Variants in CHIC1 observed in about 807,000 individuals in gnomAD.
CHIC1 encodes the protein cysteine rich hydrophobic domain 1, also known as cysteine-rich hydrophobic domain-containing protein 1.
Under a neutral mutation model 18.5 loss-of-function variants are expected in CHIC1, and 7 were observed. The ratio of observed to expected loss-of-function variants is 0.38; its 90% CI spans 0.22 to 0.71. The LOEUF is 0.71. CHIC1 is among the 30% of genes least tolerant of loss of function. The probability of loss-of-function intolerance (pLI) is 0.49; values close to 1 mark genes in which losing one functional copy is unlikely to be tolerated. For synonymous variants in CHIC1, 77 were observed against 73.5 expected, an observed-to-expected ratio of 1.05 and a Z score of -0.25; for missense variants, 159 against 176.9, an observed-to-expected ratio of 0.90 and a Z score of 0.57.
At chrX:73,631,193 A>T (rs1228807656) in intron 3 of CHIC1, among the ~76,000 whole-genome samples, 2 of 110,088 alleles carry the variant, frequency 1.8e-5, no homozygotes, top group African/African-American at 6.6e-5. Context: ...TTTCAAAAAG[A>T]CTCATAGTTT....
chrX:73,577,273 A>G, intron 1 of CHIC1, 134 bp from the exon 2 acceptor site: 1 of 380,749 alleles, frequency 2.6e-6, no homozygotes, highest in East Asian at 4.0e-5. Flanking sequence ...AATGTCATAT[A>G]AAAATTTTTC....
chrX:73,610,448 T>C (rs1047138049), intron 3 of CHIC1, among the ~76,000 whole-genome samples: 30 of 106,461 alleles, frequency 2.8e-4, no homozygotes, highest in Non-Finnish European at 3.4e-4. Context: ...CAGTTGGAAA[T>C]GCAGAAATCA....
rs2058106455 is a variant in CHIC1 at position 73,683,251 on chromosome X, T to C, written c.*2246T>C. 1 of 111,679 alleles carries C rather than the reference T, an allele frequency of 9.0e-6. No homozygotes were observed. Among genetic ancestry groups the C allele is most frequent in the African/African-American group, 3.2e-5 (1 of 30,825 alleles). 9.2% of individuals were successfully genotyped at this position (111,679 alleles called of 1,213,427 possible). A position where few individuals can be genotyped will look rare whatever the true frequency, so the allele number is the denominator to read the frequency against. On this transcript the variant is annotated 3_prime_UTR_variant, in exon 6 of 6. Transcript: ENST00000373502. ...TGTGTAAACTTAATTTTAAAGCCTA[T>C]TCTAATCACTCGAGTTTATTATTTT...
intron 3 of CHIC1, among the ~76,000 whole-genome samples, chrX:73,615,603 A>G (rs2057728994): frequency 9.0e-6 from 1 of 111,274 alleles, no homozygotes; most frequent in Non-Finnish European, 1.9e-5. Flanking sequence ...TCAGGTGTCA[A>G]TGATGGTATT....
intron 3 of CHIC1, among the ~76,000 whole-genome samples, chrX:73,658,315 A>T (rs762395935): frequency 4.5e-4 from 37 of 82,155 alleles, no homozygotes; most frequent in African/African-American, 1.7e-3. Context: ...GCAACTTCAG[A>T]ACTCATTATT....
At chrX:73,636,957 C>A (rs2057833905) in intron 3 of CHIC1, among the ~76,000 whole-genome samples, 1 of 111,028 alleles carries the variant, frequency 9.0e-6, no homozygotes, top group Admixed American at 9.6e-5. Flanking sequence ...ATAATGATGT[C>A]TTTTATATGT....
intron 3 of CHIC1, among the ~76,000 whole-genome samples, chrX:73,614,798 A>C (rs1249567700): frequency 9.2e-6 from 1 of 108,843 alleles, no homozygotes; most frequent in East Asian, 2.9e-4. Context: ...GTATTGTTTT[A>C]CTCTACTCTG....
At chrX:73,643,485 C>T (rs763053020) in intron 3 of CHIC1, among the ~76,000 whole-genome samples, 83 of 111,674 alleles carry the variant, frequency 7.4e-4, no homozygotes, top group African/African-American at 2.6e-3. Context: ...TTCCATTCTC[C>T]CCGTCACTTT....
chrX:73,633,267 C>G (rs1255347282), intron 3 of CHIC1, among the ~76,000 whole-genome samples: 16 of 101,344 alleles, frequency 1.6e-4, no homozygotes, highest in African/African-American at 5.4e-4. Context: ...ATCTCTTTAT[C>G]TCCTTCATTT....
rs1389309250 is a variant in CHIC1 at position 73,605,266 on chromosome X, C to CT, written c.507+20700dup. On this transcript the variant is annotated intron_variant, in intron 3 of 5. Coordinates refer to ENST00000373502, the MANE Select transcript of CHIC1 (RefSeq NM_001039840.4). ...TACCATTTGTAATGCCCTTCTTTGT[C>CT]TTTTTTGATCTTTGTCAGTTTAAAG... Among the ~76,000 whole-genome samples the CT allele has an allele frequency of 7.4e-5, 8 of 108,047 alleles. 1 individual carries two copies. The highest frequency in any genetic ancestry group is 2.9e-4 in the African/African-American group (8 of 27,757). 93.8% of individuals were successfully genotyped at this position (108,047 alleles called of 115,157 possible).
At chrX:73,599,775 C>T (rs147268331) in intron 3 of CHIC1, among the ~76,000 whole-genome samples, 1,864 of 107,650 alleles carry the variant, frequency 0.017, 52 homozygotes, top group Admixed American at 0.065. Context: ...GTGATGCCTC[C>T]AGCTTTGTTC....
intron 3 of CHIC1, among the ~76,000 whole-genome samples, chrX:73,591,752 G>A (rs917292504): frequency 1.8e-5 from 2 of 111,415 alleles, no homozygotes; most frequent in African/African-American, 6.5e-5. Flanking sequence ...TTCCTTGCAT[G>A]TTGATGTCCA....
At chrX:73,677,655 G>C (rs1400727201) in intron 3 of CHIC1, among the ~76,000 whole-genome samples, 1 of 112,184 alleles carries the variant, frequency 8.9e-6, no homozygotes, top group Non-Finnish European at 1.9e-5. Flanking sequence ...TCTTTGACTA[G>C]GAAAGGGAAT....
intron 3 of CHIC1, among the ~76,000 whole-genome samples, chrX:73,592,900 G>T (rs1490116645): frequency 1.8e-5 from 2 of 110,595 alleles, no homozygotes; most frequent in African/African-American, 6.6e-5. Flanking sequence ...GTTCTGTTCA[G>T]GGTTTCCATT....
chrX:73,593,604 C>CT (rs1305515378), intron 3 of CHIC1, among the ~76,000 whole-genome samples: 7 of 111,460 alleles, frequency 6.3e-5, no homozygotes, highest in African/African-American at 2.3e-4. Context: ...GACTTTGTTC[C>CT]TTTTTTATAA....
intron 3 of CHIC1, among the ~76,000 whole-genome samples, chrX:73,636,550 A>G (rs75075815): frequency 9.0e-6 from 1 of 111,601 alleles, no homozygotes; most frequent in Non-Finnish European, 1.9e-5. Context: ...TTACTTTGCC[A>G]TTTATTTCTT....
chrX:73,678,231 C>A (rs371116894), intron 3 of CHIC1, among the ~76,000 whole-genome samples: 2 of 111,737 alleles, frequency 1.8e-5, no homozygotes, highest in Non-Finnish European at 3.8e-5. Context: ...GCTCAGGCTG[C>A]AGTTGATTGT....
chrX:73,627,157 AAG>A (rs1556505697), intron 3 of CHIC1, among the ~76,000 whole-genome samples: 4 of 109,599 alleles, frequency 3.6e-5, no homozygotes, highest in East Asian at 2.8e-4. Flanking sequence ...AAAAAAAAAA[AAG>A]AGTCTTTCTC....
chrX:73,581,285 A>G (rs948951815), intron 2 of CHIC1, among the ~76,000 whole-genome samples: 2 of 110,721 alleles, frequency 1.8e-5, no homozygotes, highest in Non-Finnish European at 3.8e-5. Flanking sequence ...CTGTTATAAA[A>G]TATTATGACC....
Sources: gnomAD v4.1 joint callset for allele counts (sites outside exome capture counted in the v4.1 genomes callset) on GRCh38, gnomAD v4.1.1 for gene constraint, MANE v1.5 for transcripts, NCBI Gene and HGNC (gene_info 2026-07-23, HGNC 2026-07-21) for gene names.